The following MAP1A variants were observed in gnomAD, a reference collection of about 807,000 sequenced individuals.
The protein encoded by MAP1A is microtubule associated protein 1A, also known as microtubule-associated protein 1A.
Under a neutral mutation model 185.9 loss-of-function variants are expected in MAP1A, and 42 were observed. That is an observed-to-expected ratio of 0.23 (90% CI 0.18 to 0.29). The LOEUF is 0.29. Among genes scored for constraint, MAP1A ranks in the 10% least tolerant of loss-of-function variants. MAP1A has a pLI of 1.00. For missense variants in MAP1A, 2,995 were observed against 3,450.4 expected, an observed-to-expected ratio of 0.87 and a Z score of 3.31; for synonymous variants, 1,229 against 1,335.9, an observed-to-expected ratio of 0.92 and a Z score of 1.74.
In MAP1A at chr15:43,527,409, T is replaced by C; in HGVS notation, c.5936T>C (p.Leu1979Pro). The part of the protein sequence containing the change: ...DIYEQMMLTG[L>P]GPACPTREPP... Reference sequence around the variant, plus strand: ...TATGAGCAGATGATGCTTACTGGGCTTGGCCCTGCATGCCCCACTAGAGAG... The same window carrying C: ...TATGAGCAGATGATGCTTACTGGGCCTGGCCCTGCATGCCCCACTAGAGAG... The change falls in exon 4 of 6, where the codon CTT becomes CCT. Residue 1979 changes from leucine (L) to proline (P), a missense_variant. Transcript: ENST00000300231. 3.1e-6 allele frequency: 5 copies of C among 1,614,212 alleles called. No homozygotes were observed. The highest frequency in any genetic ancestry group is 3.4e-6 in the Non-Finnish European group (4 of 1,180,012).
At chr15:43,511,222 A>G in exon 1 of MAP1A, 1 of 1,549,130 alleles carries the variant, frequency 6.5e-7, no homozygotes, top group Non-Finnish European at 8.7e-7. Flanking sequence ...CCCACCTTGA[A>G]CAAGGTGAGC....
chr15:43,524,907 T>G lies in MAP1A; in HGVS notation c.3434T>G (p.Leu1145Arg). ...DEVLRYPDRSLSPEDAESLSV... is the reference protein window; with the variant it reads ...DEVLRYPDRSRSPEDAESLSV... The stretch of plus-strand genomic sequence containing the variant: ...GTGCTCAGATATCCTGACCGAAGCC[T>G]CTCTCCTGAAGATGCAGAATCCCTC... Residue 1145 changes from leucine to arginine, a missense_variant, in exon 4 of 6, where the codon CTC becomes CGC. Physicochemically the swap from Leu to Arg is moderately radical, Grantham distance 102. Transcript: ENST00000300231. 1 of 1,614,036 alleles carries G rather than the reference T, an allele frequency of 6.2e-7. No homozygotes were observed. Among genetic ancestry groups the G allele is most frequent in the Non-Finnish European group, 8.5e-7 (1 of 1,180,006 alleles).
Position 43,522,016 on chromosome 15 carries a change from C to T in MAP1A, c.543C>T (p.Ser181=). 6.2e-7 allele frequency: 1 copy of T among 1,614,228 alleles called. No homozygotes were observed. The highest frequency in any genetic ancestry group is 1.7e-5 in the Admixed American group (1 of 60,028). Residue 181 remains serine (S), a synonymous_variant, in exon 4 of 6, where the codon AGC becomes AGT. Transcript: ENST00000300231. This position sits in a 1 kb window ranked among gnomAD's most constrained non-coding sequence, Gnocchi z 5.9. ...IQAEPLYRVV[S]NTIEPLTLFH... ...CTGAGCCTCTATATCGTGTGGTCAG[C>T]AATACCATTGAGCCACTGACCCTCT... is the stretch of plus-strand genomic sequence containing the variant.
chr15:43,512,720 G>T (rs1352667083), upstream of MAP1A, among the ~76,000 whole-genome samples: 1 of 152,092 alleles, frequency 6.6e-6, no homozygotes, highest in African/African-American at 2.4e-5. Context: ...TTTTATTTAG[G>T]CTGCACAGGT....
Position 43,526,433 on chromosome 15 carries a change from T to A in MAP1A, c.4960T>A (p.Ser1654Thr). 1 of 1,613,856 alleles carries A rather than the reference T, an allele frequency of 6.2e-7. No homozygotes were observed. The change falls in exon 4 of 6, where the codon TCT becomes ACT. Residue 1654 changes from serine (S) to threonine (T), a missense_variant. Physicochemically the swap from Ser to Thr is moderately conservative, Grantham distance 58 (BLOSUM62 1). Transcript: ENST00000300231. The surrounding 1 kb of genome is among the most constrained non-coding windows in gnomAD (Gnocchi z 4.7). ...QDVVQEWQET[S>T]PTREEPAGEQ... ...TGTGGTCCAGGAGTGGCAAGAAACA[T>A]CTCCTACCAGAGAGGAGCCGGCTGG...
Position 43,528,494 on chromosome 15 carries a change from G to A in MAP1A, c.7021G>A (p.Glu2341Lys), listed in dbSNP as rs2079356093. The stretch of plus-strand genomic sequence containing the variant: ...CCTGCCGTGCCACCTGGAGTGCTCA[G>A]AGGCAGCCACGGAGAAGCCAAGCCC... ...GILPCHLECS[E>K]AATEKPSPFQ... The change falls in exon 4 of 6, where the codon GAG becomes AAG. Residue 2341 changes from glutamate (E) to lysine (K), a missense_variant. Physicochemically the swap from Glu to Lys is moderately conservative, Grantham distance 56. This residue lies in a region of MAP1A where 2,728 missense variants were observed against 2,986.0 expected (regional missense o/e 0.91). Transcript: ENST00000300231. The A allele has an allele frequency of 5.0e-6, 8 of 1,613,548 alleles. No homozygotes were observed. Among genetic ancestry groups the A allele is most frequent in the Non-Finnish European group, 6.8e-6 (8 of 1,180,028 alleles).
Position 43,527,992 on chromosome 15 carries a change from G to A in MAP1A, c.6519G>A (p.Leu2173=). Reference sequence around the variant, plus strand: ...CTTCAGCCTTTGGCTTCTCCTCATTGCAGCCAGCTCCCCCACAGCTGCCCT... The same window carrying A: ...CTTCAGCCTTTGGCTTCTCCTCATTACAGCCAGCTCCCCCACAGCTGCCCT... ...FPASAFGFSS[L]QPAPPQLPSP... The change falls in exon 4 of 6, where the codon TTG becomes TTA. Residue 2173 remains leucine (L), a synonymous_variant. Transcript: ENST00000300231. 1 of 1,613,914 alleles carries A rather than the reference G, an allele frequency of 6.2e-7. No homozygotes were observed. Among genetic ancestry groups the A allele is most frequent in the East Asian group, 2.2e-5 (1 of 44,870 alleles).
Position 43,527,891 on chromosome 15 carries a change from C to A in MAP1A, c.6418C>A (p.Pro2140Thr). ...TCCTATGGGGTCCCCCACATTATGGCCAGAAACTGAGGCACATGTTAGCCC... is the reference window on the plus strand; with the variant it reads ...TCCTATGGGGTCCCCCACATTATGGACAGAAACTGAGGCACATGTTAGCCC... ...PIPMGSPTLW[P>T]ETEAHVSPPL... Residue 2140 changes from proline (P) to threonine (T), a missense_variant, in exon 4 of 6, where the codon CCA (proline) becomes ACA (threonine). By Grantham distance (38) the Pro-to-Thr change is conservative (BLOSUM62 -1). Transcript: ENST00000300231. 1 of 1,614,150 alleles carries A rather than the reference C, an allele frequency of 6.2e-7. No individual in the cohort carries two copies. The highest frequency in any genetic ancestry group is 8.5e-7 in the Non-Finnish European group (1 of 1,180,004).
rs1339067851 is a variant in MAP1A at position 43,530,963 on chromosome 15, A to G, written c.*739A>G. 1 of 152,790 alleles carries G rather than the reference A, an allele frequency of 6.5e-6. No homozygotes were observed. Among genetic ancestry groups the G allele is most frequent in the Admixed American group, 6.5e-5 (1 of 15,280 alleles). 9.5% of individuals were successfully genotyped at this position (152,790 alleles called of 1,614,324 possible). On this transcript the variant is annotated 3_prime_UTR_variant, in exon 6 of 6. Coordinates refer to ENST00000300231, the MANE Select transcript of MAP1A (RefSeq NM_002373.6). ...GGAGAGCCCAAGCCCCAATGCCAGAATTCTTCCAAACTCCCTGACTCTTTG... is the reference window on the plus strand; with the variant it reads ...GGAGAGCCCAAGCCCCAATGCCAGAGTTCTTCCAAACTCCCTGACTCTTTG...
In MAP1A at chr15:43,530,302, T is replaced by TGAGGGAGATGGGAGCTAGGGGGAGGG; in HGVS notation, c.*89_*114dup. On this transcript the variant is annotated 3_prime_UTR_variant, in exon 6 of 6. Coordinates refer to ENST00000300231, the MANE Select transcript of MAP1A (RefSeq NM_002373.6). ...TGGCTACTGCTGAGTCCTTTGGGGT[T>TGAGGGAGATGGGAGCTAGGGGGAGGG]GAGGGAGATGGGAGCTAGGGGGAGG... 6.4e-7 allele frequency: 1 copy of TGAGGGAGATGGGAGCTAGGGGGAGGG among 1,561,520 alleles called. No homozygotes were observed. Among genetic ancestry groups the TGAGGGAGATGGGAGCTAGGGGGAGGG allele is most frequent in the Admixed American group, 1.8e-5 (1 of 56,014 alleles).
rs1365739000 is a variant in MAP1A, at chr15:43,526,768, G to T, written c.5295G>T (p.Lys1765Asn). The change falls in exon 4 of 6, where the codon AAG becomes AAT. Residue 1765 changes from lysine to asparagine, a missense_variant. Coordinates refer to ENST00000300231, the MANE Select transcript of MAP1A (RefSeq NM_002373.6). The surrounding 1 kb of genome is among the most constrained non-coding windows in gnomAD (Gnocchi z 4.7). ...ATTTCCAGGAATCCTCACCACAGAAGGGGCTAGAGGTGGAGCGCTGGCTTG... is the reference window on the plus strand; with the variant it reads ...ATTTCCAGGAATCCTCACCACAGAATGGGCTAGAGGTGGAGCGCTGGCTTG... ...FKDFQESSPQ[K>N]GLEVERWLAE... 6.2e-7 allele frequency: 1 copy of T among 1,614,168 alleles called. No individual in the cohort carries two copies. Among genetic ancestry groups the T allele is most frequent in the African/African-American group, 1.3e-5 (1 of 75,038 alleles).
chr15:43,511,292 A>T, intron 1 of MAP1A: 1 of 1,247,668 alleles, frequency 8.0e-7, no homozygotes, highest in Non-Finnish European at 1.1e-6. Context: ...TCTGCATTCA[A>T]CTACCAATGC....
intron 1 of MAP1A, among the ~76,000 whole-genome samples, chr15:43,519,994 C>T (rs2079313249): frequency 1.3e-5 from 2 of 152,144 alleles, no homozygotes; most frequent in Non-Finnish European, 1.5e-5. Context: ...TGTATTAGTG[C>T]GGGCTTGGCC....
chr15:43,515,534 C>A (rs1288801343), upstream of MAP1A, among the ~76,000 whole-genome samples: 1 of 152,190 alleles, frequency 6.6e-6, no homozygotes, highest in African/African-American at 2.4e-5. Flanking sequence ...ACCTAGATGA[C>A]CTCTCAGAAA....
intron 1 of MAP1A, among the ~76,000 whole-genome samples, chr15:43,519,491 T>C (rs1379088098): frequency 6.6e-6 from 1 of 152,218 alleles, no homozygotes; most frequent in Non-Finnish European, 1.5e-5. Context: ...GGACAAATTA[T>C]GGACCCTCCC....
In MAP1A at chr15:43,531,456, A is replaced by G. The variant is rs1281338631; in HGVS notation, c.*1232A>G. 6.6e-6 allele frequency: 1 copy of G among 152,664 alleles called. No homozygotes were observed. The highest frequency in any genetic ancestry group is 1.9e-4 in the East Asian group (1 of 5,188). The allele number at this position is 152,664 out of a possible 1,614,324, so 9.5% of individuals were successfully genotyped here. A position where few individuals can be genotyped will look rare whatever the true frequency, so the allele number is the denominator to read the frequency against. On this transcript the variant is annotated 3_prime_UTR_variant, in exon 6 of 6. Transcript: ENST00000300231. Reference sequence around the variant, plus strand: ...CATGTGGGCTTGCCTTCTCTGCCAAACGACTGGGAAACCAAAATGAGCCCA... The same window carrying G: ...CATGTGGGCTTGCCTTCTCTGCCAAGCGACTGGGAAACCAAAATGAGCCCA...
exon 2 of MAP1A, chr15:43,512,213 C>T: frequency 6.5e-7 from 1 of 1,548,730 alleles, no homozygotes; most frequent in African/African-American, 1.4e-5. Flanking sequence ...GAACATTGAC[C>T]TGTCATCCTT....
At chr15:43,512,345 C>CAAAGGTTAGGACTAATGTTTTATTT in intron 2 of MAP1A, 14 of 1,295,164 alleles carry the variant, frequency 1.1e-5, no homozygotes, top group Non-Finnish European at 1.5e-5. Flanking sequence ...TCACAGAGGT[C>CAAAGGTTAGGACTAATGTTTTATTT]CAGTCTCCCT....
exon 1 of MAP1A, chr15:43,511,092 C>G (rs1327971646): frequency 1.9e-6 from 3 of 1,550,072 alleles, no homozygotes; most frequent in East Asian, 4.9e-5. Context: ...CAGAACCCCG[C>G]GGAGCTGCTG....
Sources: gnomAD v4.1 joint callset for allele counts (sites outside exome capture counted in the v4.1 genomes callset) on GRCh38, gnomAD v4.1.1 for gene constraint, gnomAD v4.1.1 regional missense constraint, Gnocchi (gnomAD v3.1) non-coding constraint, MANE v1.5 for transcripts, NCBI Gene and HGNC (gene_info 2026-07-23, HGNC 2026-07-21) for gene names.